DCAF1: variants seen among roughly 807,000 people sequenced by gnomAD.
The protein encoded by DCAF1 is DDB1- and CUL4-associated factor 1.
In DCAF1, 15 loss-of-function variants were observed where a neutral mutation model predicts 128.0. The ratio of observed to expected loss-of-function variants is 0.12; its 90% confidence interval spans 0.08 to 0.18. The LOEUF (loss-of-function observed/expected upper bound fraction) is 0.18. DCAF1 is among the 10% of genes least tolerant of loss of function. The pLI is 1.00. For missense variants in DCAF1, 988 were observed against 1,649.5 expected (o/e 0.60, Z 6.95); for synonymous variants, 610 against 603.0 (o/e 1.01, Z -0.17).
chr3:51,494,991 T>C (rs1352534629), intron 2 of DCAF1, among the ~76,000 whole-genome samples: 2 of 151,912 alleles, frequency 1.3e-5, no homozygotes, highest in African/African-American at 2.4e-5. Flanking sequence ...CCAAGGAAAA[T>C]ATAAACCTTA....
At chr3:51,422,156 G>T in intron 14 of DCAF1, 151 bp downstream of exon 14, 1 of 567,150 alleles carries the variant, frequency 1.8e-6, no homozygotes, top group South Asian at 2.2e-5. Context: ...TCTGCTGAAT[G>T]GTACTCCTTA....
intron 6 of DCAF1, among the ~76,000 whole-genome samples, chr3:51,453,997 A>C (rs1320422754): frequency 6.6e-6 from 1 of 152,012 alleles, no homozygotes; most frequent in Non-Finnish European, 1.5e-5. Flanking sequence ...CAATTCACAC[A>C]GCAAATTCTT....
In DCAF1 at chr3:51,398,835, G is replaced by T; in HGVS notation, c.4466-8C>A. On this transcript the variant is annotated splice_region_variant and splice_polypyrimidine_tract_variant and intron_variant, in intron 24 of 24. Transcript: ENST00000684031. ...AGTTGTCAGAGCTGTCAGCTGAAAG[G>T]GAAGAAAAGGGAGAGACAAGATTAC... 1 of 1,578,132 alleles carries T rather than the reference G, an allele frequency of 6.3e-7. No individual in the cohort carries two copies. The highest frequency in any genetic ancestry group is 8.6e-7 in the Non-Finnish European group (1 of 1,161,144).
rs2089864464 is a variant in DCAF1 at position 51,403,264 on chromosome 3, T to G, written c.4344A>C (p.Glu1448Asp). The G allele has an allele frequency of 6.2e-7, 1 of 1,611,936 alleles. No individual in the cohort carries two copies. The highest frequency in any genetic ancestry group is 1.3e-5 in the African/African-American group (1 of 74,884). Residue 1448 changes from glutamate to aspartate, a missense_variant, in exon 24 of 25, where the codon GAA becomes GAC. Physicochemically the swap from Glu to Asp is conservative, Grantham distance 45. Around this residue, in one of 11 missense-constraint regions of DCAF1, gnomAD observed 97 missense variants for 134.5 expected, o/e 0.72. Coordinates refer to ENST00000684031, the MANE Select transcript of DCAF1 (RefSeq NM_001387579.1). The part of the protein sequence containing the change: ...EEDDNNENAG[E>D]DGDNDFSPSD... ...AGGGAGAGAAGTCATTGTCCCCATC[T>G]TCCCCTGCGTTCTCATTATTGTCGT...
At chr3:51,454,145 C>T (rs782239402) in intron 6 of DCAF1, among the ~76,000 whole-genome samples, 13 of 152,138 alleles carry the variant, frequency 8.5e-5, no homozygotes, top group South Asian at 2.1e-4. Context: ...TGAGTTGAAG[C>T]GATCCTCCCG....
At chr3:51,440,768 CG>C (rs1479776724) in intron 9 of DCAF1, among the ~76,000 whole-genome samples, 1 of 151,880 alleles carries the variant, frequency 6.6e-6, no homozygotes, top group East Asian at 1.9e-4. Context: ...CAGCCATGCA[CG>C]GTAGCATGTG....
intron 1 of DCAF1, among the ~76,000 whole-genome samples, chr3:51,497,030 C>T (rs1339114178): frequency 6.6e-6 from 1 of 152,192 alleles, no homozygotes; most frequent in African/African-American, 2.4e-5. Context: ...CACTATGGCT[C>T]ATGCCTGTAA....
chr3:51,443,658 G>T (rs1701577556), intron 7 of DCAF1, 108 bp downstream of exon 7: 1 of 922,096 alleles, frequency 1.1e-6, no homozygotes, highest in Admixed American at 3.9e-5. Context: ...TTATAGCCAT[G>T]CTCCAGTACA....
intron 9 of DCAF1, among the ~76,000 whole-genome samples, chr3:51,436,873 C>T (rs1553636881): frequency 6.6e-6 from 1 of 151,978 alleles, no homozygotes. Context: ...ATTTGGACTG[C>T]AATAAGATGA....
At chr3:51,464,369 A>C (rs1299376981) in intron 5 of DCAF1, among the ~76,000 whole-genome samples, 1 of 152,124 alleles carries the variant, frequency 6.6e-6, no homozygotes, top group Non-Finnish European at 1.5e-5. Context: ...TATAACAGTA[A>C]ATAATTATTG....
the DCAF1 span, among the ~76,000 whole-genome samples, chr3:51,505,104 A>G: frequency 6.6e-6 from 1 of 151,740 alleles, no homozygotes; most frequent in Non-Finnish European, 1.5e-5. Flanking sequence ...TCTACTAAAA[A>G]ATTACAAAAA....
rs782598265 is a variant in DCAF1, at chr3:51,463,232, AAAG to A, written c.262-8_262-6del. 8.5e-6 allele frequency: 13 copies of A among 1,526,092 alleles called. No individual in the cohort carries two copies. The highest frequency in any genetic ancestry group is 2.6e-5 in the South Asian group (2 of 77,846). The allele number at this position is 1,526,092 out of a possible 1,614,324, so 94.5% of individuals were successfully genotyped here. A position where few individuals can be genotyped will look rare whatever the true frequency, so the allele number is the denominator to read the frequency against. ...CATCACATATGCATTCACCAGCTGT[AAAG>A]AAAAAAAAGAAATACTGTTCATCTA... On this transcript the variant is annotated splice_polypyrimidine_tract_variant and splice_region_variant and intron_variant, in intron 5 of 24. Transcript: ENST00000684031.
At position 51,441,612 on chromosome 3, in the gene DCAF1, T is replaced by C. The variant is rs3749318; in HGVS notation, c.799A>G (p.Asn267Asp). The change falls in exon 8 of 25, where the codon AAC becomes GAC. Residue 267 changes from asparagine to aspartate, a missense_variant. Physicochemically the swap from Asn to Asp is conservative, Grantham distance 23. Transcript: ENST00000684031. ...CTGTCACCCTGTTTTGCTGACTTGT[T>C]TTTCTTTAATCCTCCATCCTCAGGT... ...TKPEDGGLKK[N>D]KSAKQGDREN... is the part of the protein sequence containing the mutation. 28 of 1,613,998 alleles carry C rather than the reference T, an allele frequency of 1.7e-5. No individual in the cohort carries two copies. In the East Asian group the frequency reaches 6.0e-4, roughly 35 times the overall value.
chr3:51,446,215 G>A (rs1025815013), intron 6 of DCAF1, among the ~76,000 whole-genome samples: 3 of 151,990 alleles, frequency 2.0e-5, no homozygotes, highest in South Asian at 2.1e-4. Context: ...AGCTGATCTT[G>A]AACTCCTGAC....
At chr3:51,462,291 G>A (rs1002945303) in intron 6 of DCAF1, among the ~76,000 whole-genome samples, 2 of 151,854 alleles carry the variant, frequency 1.3e-5, no homozygotes, top group South Asian at 2.1e-4. Context: ...GCATGGTAGC[G>A]TACACCTGTA....
intron 14 of DCAF1, among the ~76,000 whole-genome samples, 155 bp from the exon 15 acceptor site, chr3:51,421,152 A>G (rs1699355822): frequency 6.6e-6 from 1 of 152,174 alleles, no homozygotes; most frequent in Non-Finnish European, 1.5e-5. Context: ...AAGTGCAGAC[A>G]GTTCTACTAC....
chr3:51,418,607 G>T, intron 16 of DCAF1, 71 bp downstream of exon 16: 1 of 1,530,392 alleles, frequency 6.5e-7, no homozygotes. Context: ...TAAAGGGTAA[G>T]CCTCCTTTAC....
intron 2 of DCAF1, among the ~76,000 whole-genome samples, chr3:51,488,558 T>A (rs781917342): frequency 2.4e-4 from 37 of 151,946 alleles, no homozygotes; most frequent in Admixed American, 7.2e-4. Flanking sequence ...ACGCCAGCAG[T>A]TTGGGAGGCC....
At chr3:51,396,398 A>T (rs1395895411), downstream of DCAF1, 1 of 167,380 alleles carries the variant, frequency 6.0e-6, no homozygotes, top group Non-Finnish European at 1.5e-5. Flanking sequence ...TTGGCTCTTA[A>T]GACCTAGCAG....
Sources: gnomAD v4.1 joint callset for allele counts (sites outside exome capture counted in the v4.1 genomes callset) on GRCh38, gnomAD v4.1.1 for gene constraint, gnomAD v4.1.1 regional missense constraint, MANE v1.5 for transcripts, NCBI Gene and HGNC (gene_info 2026-07-23, HGNC 2026-07-21) for gene names.